The following PLPPR1 variants were observed in gnomAD, a reference collection of about 807,000 sequenced individuals.
The protein encoded by PLPPR1 is phospholipid phosphatase related 1, also known as phospholipid phosphatase-related protein type 1.
PLPPR1 carries 10 observed loss-of-function variants against 33.1 expected under a neutral mutation model. That is an observed-to-expected ratio of 0.30 (90% CI 0.19 to 0.51). PLPPR1 has a LOEUF of 0.51. PLPPR1 is among the 20% of genes least tolerant of loss of function. The pLI is 0.97. For synonymous variants in PLPPR1, 151 were observed against 151.0 expected (o/e 1.00, Z 0.00); for missense variants, 304 against 408.1 (o/e 0.74, Z 2.20).
chr9:101,083,308 A>G (rs1830642165), intron 1 of PLPPR1, among the ~76,000 whole-genome samples: 1 of 150,570 alleles, frequency 6.6e-6, no homozygotes, highest in African/African-American at 2.4e-5. Context: ...ACAGGTGTCA[A>G]CCTGGGAGGT....
intron 4 of PLPPR1, among the ~76,000 whole-genome samples, chr9:101,291,719 C>T (rs558648164): frequency 2.6e-5 from 4 of 152,348 alleles, no homozygotes; most frequent in Non-Finnish European, 4.4e-5. Context: ...AACAGACCCG[C>T]AGCTGAGGGT....
chr9:101,310,286 C>A (rs182236519), intron 5 of PLPPR1, among the ~76,000 whole-genome samples: 1 of 152,296 alleles, frequency 6.6e-6, no homozygotes, highest in Non-Finnish European at 1.5e-5. Flanking sequence ...CGGGCTGATA[C>A]GATATTGCTG....
chr9:101,215,429 C>A (rs532368427), intron 2 of PLPPR1, among the ~76,000 whole-genome samples: 1 of 152,026 alleles, frequency 6.6e-6, no homozygotes, highest in African/African-American at 2.4e-5. Flanking sequence ...ACAGGGCGTG[C>A]GCCACCATGC....
At chr9:101,096,237 G>A (rs1246678249) in intron 1 of PLPPR1, among the ~76,000 whole-genome samples, 9 of 152,130 alleles carry the variant, frequency 5.9e-5, no homozygotes, top group Non-Finnish European at 1.3e-4. Context: ...TCAGGAAAGG[G>A]CCTGGGGGCC....
intron 2 of PLPPR1, 149 bp downstream of exon 2, chr9:101,185,706 A>G (rs1826191939): frequency 3.6e-6 from 2 of 558,176 alleles, no homozygotes; most frequent in East Asian, 3.1e-5. Context: ...TAAACTATGC[A>G]AAGTGTTTCT....
intron 1 of PLPPR1, among the ~76,000 whole-genome samples, chr9:101,123,234 G>A (rs1257355397): frequency 1.3e-5 from 2 of 151,690 alleles, no homozygotes; most frequent in African/African-American, 4.8e-5. Flanking sequence ...AGTTAGTCCC[G>A]AACTAACTTA....
intron 1 of PLPPR1, among the ~76,000 whole-genome samples, chr9:101,097,027 G>A (rs1396594288): frequency 3.9e-5 from 6 of 152,208 alleles, no homozygotes; most frequent in Non-Finnish European, 7.3e-5. Context: ...TAACATTTTA[G>A]TGAACATGTG....
chr9:101,176,145 C>T (rs547825251), intron 1 of PLPPR1, among the ~76,000 whole-genome samples: 2 of 152,136 alleles, frequency 1.3e-5, no homozygotes, highest in African/African-American at 4.8e-5. Flanking sequence ...GGTAGCCGGA[C>T]AAGCCAGACA....
chr9:101,263,207 ATCATTGTTTATCC>A (rs1827931872), intron 2 of PLPPR1, among the ~76,000 whole-genome samples: 1 of 152,182 alleles, frequency 6.6e-6, no homozygotes, highest in Non-Finnish European at 1.5e-5. Context: ...TCACCACTGA[ATCATTGTTTATCC>A]TGTTACGTTG....
intron 2 of PLPPR1, among the ~76,000 whole-genome samples, chr9:101,258,207 T>C (rs1311304304): frequency 1.3e-5 from 2 of 152,178 alleles, no homozygotes; most frequent in Non-Finnish European, 2.9e-5. Flanking sequence ...AGCTCAAATG[T>C]CACTGCTGCC....
chr9:101,271,174 A>C (rs916902363), intron 3 of PLPPR1, among the ~76,000 whole-genome samples: 3 of 152,184 alleles, frequency 2.0e-5, no homozygotes, highest in Non-Finnish European at 4.4e-5. Flanking sequence ...CCACAACATG[A>C]TGTATCAGAA....
chr9:101,268,028 C>T (rs1008919593), intron 2 of PLPPR1, among the ~76,000 whole-genome samples: 11 of 152,044 alleles, frequency 7.2e-5, no homozygotes, highest in African/African-American at 2.7e-4. Context: ...ACCACATGTT[C>T]TCACTCATAG....
chr9:101,239,514 A>G (rs1450270819), intron 2 of PLPPR1, among the ~76,000 whole-genome samples: 1 of 152,060 alleles, frequency 6.6e-6, no homozygotes, highest in Non-Finnish European at 1.5e-5. Context: ...CTAAAATAAC[A>G]GTTGAAAAAA....
At chr9:101,060,612 C>T (rs758076569) in intron 1 of PLPPR1, among the ~76,000 whole-genome samples, 1 of 151,554 alleles carries the variant, frequency 6.6e-6, no homozygotes, top group Non-Finnish European at 1.5e-5. Flanking sequence ...AAAATAGAGG[C>T]TGAGTATTAA....
At chr9:101,179,770 C>T (rs984673604) in intron 1 of PLPPR1, among the ~76,000 whole-genome samples, 1 of 151,904 alleles carries the variant, frequency 6.6e-6, no homozygotes, top group African/African-American at 2.4e-5. Context: ...AGTATTAATC[C>T]TGAGTGTGTC....
At chr9:101,140,972 G>T (rs1831443905) in intron 1 of PLPPR1, among the ~76,000 whole-genome samples, 1 of 152,160 alleles carries the variant, frequency 6.6e-6, no homozygotes, top group Non-Finnish European at 1.5e-5. Flanking sequence ...CTGCTTAGAG[G>T]TCTCATGATG....
At chr9:101,071,605 GGA>G (rs3080736) in intron 1 of PLPPR1, among the ~76,000 whole-genome samples, 28 of 149,052 alleles carry the variant, frequency 1.9e-4, no homozygotes, top group Admixed American at 3.3e-4. Flanking sequence ...GGAGTGAGAA[GGA>G]GAGAGAGAGA....
chr9:101,169,610 A>G (rs1168145171), intron 1 of PLPPR1, among the ~76,000 whole-genome samples: 2 of 152,128 alleles, frequency 1.3e-5, no homozygotes, highest in Non-Finnish European at 2.9e-5. Context: ...GTTGTCTTAA[A>G]AAGACTAGTC....
Position 101,214,350 on chromosome 9 carries a change from A to T in PLPPR1, c.63+28793A>T, listed in dbSNP as rs573384557. Among the ~76,000 whole-genome samples, 35 of 152,336 alleles carry T rather than the reference A, an allele frequency of 2.3e-4. No individual in the cohort carries two copies. In the South Asian group the frequency reaches 4.6e-3, roughly 20 times the overall value. ...TATTCTAACTAGCTAGCACATACCCAGCACTTTGTCATGTCACATTAATTT... is the reference window on the plus strand; with the variant it reads ...TATTCTAACTAGCTAGCACATACCCTGCACTTTGTCATGTCACATTAATTT... On this transcript the variant is annotated intron_variant, in intron 2 of 7. Transcript: ENST00000374874.
Sources: gnomAD v4.1 joint callset for allele counts (sites outside exome capture counted in the v4.1 genomes callset) on GRCh38, gnomAD v4.1.1 for gene constraint, MANE v1.5 for transcripts, NCBI Gene and HGNC (gene_info 2026-07-23, HGNC 2026-07-21) for gene names.